PSD3: variants seen among roughly 807,000 people sequenced by gnomAD.
PSD3 encodes the protein pleckstrin and Sec7 domain containing 3.
A neutral mutation model predicts 105.5 loss-of-function variants in PSD3; 49 were observed. The ratio of observed to expected loss-of-function variants is 0.46; its 90% CI spans 0.37 to 0.59. PSD3 has a LOEUF of 0.59. PSD3 is among the 20% of genes least tolerant of loss of function. The pLI is 0.00. For synonymous variants in PSD3, 557 were observed against 457.8 expected (o/e 1.22, Z -2.77); for missense variants, 1,561 against 1,263.8 (o/e 1.24, Z -3.57).
At chr8:18,739,933 C>A (rs938353831) in intron 9 of PSD3, among the ~76,000 whole-genome samples, 5 of 152,122 alleles carry the variant, frequency 3.3e-5, no homozygotes, top group African/African-American at 1.2e-4. Flanking sequence ...ATCTTTAGAA[C>A]ATAAGTTATT....
intron 1 of PSD3, among the ~76,000 whole-genome samples, chr8:19,075,669 G>T (rs1034351936): frequency 6.6e-6 from 1 of 152,150 alleles, no homozygotes; most frequent in Admixed American, 6.5e-5. Flanking sequence ...ATTACGATGT[G>T]CAGATAGTAA....
intron 9 of PSD3, among the ~76,000 whole-genome samples, chr8:18,686,569 C>T (rs1267450716): frequency 6.6e-6 from 1 of 152,204 alleles, no homozygotes; most frequent in Non-Finnish European, 1.5e-5. Context: ...AGCAGATGAT[C>T]CCTGCGACAT....
intron 1 of PSD3, among the ~76,000 whole-genome samples, chr8:19,063,707 G>T (rs189918752): frequency 4.9e-4 from 74 of 152,180 alleles, no homozygotes; most frequent in Non-Finnish European, 6.6e-4. Context: ...GTGGTAGTGC[G>T]TCAGAACTGG....
At chr8:18,565,124 T>C (rs1239581358) in intron 14 of PSD3, among the ~76,000 whole-genome samples, 8 of 152,012 alleles carry the variant, frequency 5.3e-5, no homozygotes, top group African/African-American at 1.9e-4. Flanking sequence ...GAAACACACA[T>C]GTGTCCCTGA....
intron 1 of PSD3, among the ~76,000 whole-genome samples, chr8:19,006,313 A>G (rs1189690840): frequency 6.8e-6 from 1 of 148,060 alleles, no homozygotes; most frequent in Non-Finnish European, 1.5e-5. Context: ...AAAAAAAAAA[A>G]GAATATATAA....
chr8:18,633,273 C>T (rs1475112309), intron 10 of PSD3, among the ~76,000 whole-genome samples: 1 of 152,086 alleles, frequency 6.6e-6, no homozygotes, highest in Non-Finnish European at 1.5e-5. Context: ...GTGTTAGAGT[C>T]AGTCCAATGG....
Position 18,535,420 on chromosome 8 carries a change from G to C in PSD3, c.*323C>G, listed in dbSNP as rs573620789. On this transcript the variant is annotated 3_prime_UTR_variant, in exon 16 of 16. Transcript: ENST00000327040. ...TAAAAAAAAGTTTAACAGTTGATAT[G>C]AGAATACATAAAACAACTGAGCAGA... is the stretch of plus-strand genomic sequence containing the variant. The C allele has an allele frequency of 1.1e-5, 3 of 285,290 alleles. No homozygotes were observed. The highest frequency in any genetic ancestry group is 6.4e-5 in the African/African-American group (3 of 46,566). 17.7% of individuals were successfully genotyped at this position (285,290 alleles called of 1,614,324 possible).
intron 1 of PSD3, among the ~76,000 whole-genome samples, chr8:18,971,135 T>G (rs993645441): frequency 3.3e-5 from 5 of 152,088 alleles, no homozygotes; most frequent in Admixed American, 3.3e-4. Context: ...TTTAAAACAG[T>G]CAAATAAGGA....
At chr8:18,753,403 G>A (rs1013995744) in intron 9 of PSD3, among the ~76,000 whole-genome samples, 6 of 151,514 alleles carry the variant, frequency 4.0e-5, no homozygotes, top group South Asian at 2.1e-4. Context: ...AACTCCCTCT[G>A]ACAAGATGGT....
intron 4 of PSD3, chr8:18,865,268 ATATATATATATATATATATTTTTTTT>A (rs1816813635): frequency 1.9e-3 from 5 of 2,652 alleles, no homozygotes; most frequent in African/African-American, 4.6e-3. Context: ...ATATATATAT[ATATATATATATATATATATTTTTTTT>A]TTTTTTTTTT....
intron 1 of PSD3, among the ~76,000 whole-genome samples, chr8:18,944,829 T>G (rs971913340): frequency 6.6e-6 from 1 of 152,216 alleles, no homozygotes; most frequent in Admixed American, 6.5e-5. Context: ...TCAAGTTGGC[T>G]TCTGTGTCTT....
At chr8:18,924,278 A>C (rs1310786185) in intron 2 of PSD3, among the ~76,000 whole-genome samples, 1 of 152,216 alleles carries the variant, frequency 6.6e-6, no homozygotes, top group East Asian at 1.9e-4. Context: ...AGCTAAAATA[A>C]TGGAGAACAT....
intron 3 of PSD3, among the ~76,000 whole-genome samples, chr8:18,870,810 A>AT (rs1817288683): frequency 6.6e-6 from 1 of 152,156 alleles, no homozygotes; most frequent in Admixed American, 6.5e-5. Context: ...ATTTCAAAAC[A>AT]TAGGAAGGGC....
Position 18,530,725 on chromosome 8 carries a change from T to C in PSD3, c.*5018A>G, listed in dbSNP as rs760231592. ...TCTTTTCTTTCTGTATTTCCCAAAT[T>C]ACAGGGAGCTATGCCCTTGGTATTG... is the stretch of plus-strand genomic sequence containing the variant. On this transcript the variant is annotated 3_prime_UTR_variant, in exon 16 of 16. Coordinates refer to ENST00000327040, the MANE Select transcript of PSD3 (RefSeq NM_015310.4). 1.3e-5 allele frequency: 2 copies of C among 152,072 alleles called. No individual in the cohort carries two copies. The highest frequency in any genetic ancestry group is 2.9e-5 in the Non-Finnish European group (2 of 68,004). 9.4% of individuals were successfully genotyped at this position (152,072 alleles called of 1,614,324 possible).
chr8:18,577,248 T>G (rs73211735), intron 12 of PSD3, among the ~76,000 whole-genome samples: 1 of 152,066 alleles, frequency 6.6e-6, no homozygotes, highest in Non-Finnish European at 1.5e-5. Context: ...ATAATTTTAT[T>G]GGCTTATGAC....
intron 6 of PSD3, among the ~76,000 whole-genome samples, chr8:18,802,931 A>G (rs1810833393): frequency 6.6e-6 from 1 of 152,228 alleles, no homozygotes; most frequent in South Asian, 2.1e-4. Flanking sequence ...GATACTTTCT[A>G]CTGATTATGC....
chr8:18,828,067 A>ATATATATTTT (rs371473289), intron 4 of PSD3, among the ~76,000 whole-genome samples: 45 of 118,874 alleles, frequency 3.8e-4, no homozygotes, highest in African/African-American at 1.5e-3. Flanking sequence ...ATATATATAT[A>ATATATATTTT]TTTTTTTTTT....
intron 9 of PSD3, among the ~76,000 whole-genome samples, chr8:18,683,338 G>A (rs1035984631): frequency 2.0e-5 from 3 of 152,188 alleles, no homozygotes; most frequent in Admixed American, 2.0e-4. Context: ...CAGACTGGGG[G>A]CTGGGGGAAG....
At chr8:18,795,851 G>A (rs926386406) in intron 8 of PSD3, among the ~76,000 whole-genome samples, 1 of 152,098 alleles carries the variant, frequency 6.6e-6, no homozygotes, top group South Asian at 2.1e-4. Context: ...TGAAGAAAAA[G>A]ACTTTCAACT....
Sources: gnomAD v4.1 joint callset for allele counts (sites outside exome capture counted in the v4.1 genomes callset) on GRCh38, gnomAD v4.1.1 for gene constraint, MANE v1.5 for transcripts, NCBI Gene and HGNC (gene_info 2026-07-23, HGNC 2026-07-21) for gene names.